The following PPP2CB variants were observed in gnomAD, a reference collection of about 807,000 sequenced individuals.
PPP2CB encodes the protein protein phosphatase 2 catalytic subunit beta, also known as serine/threonine-protein phosphatase 2A catalytic subunit beta isoform.
Under a neutral mutation model 39.1 loss-of-function variants are expected in PPP2CB, and 18 were observed. That is an observed-to-expected ratio of 0.46 (90% CI 0.32 to 0.68). The LOEUF (loss-of-function observed/expected upper bound fraction) is 0.68. Among genes scored for constraint, PPP2CB ranks in the 30% least tolerant of loss-of-function variants. The pLI is 0.04. For missense variants in PPP2CB, 226 were observed against 396.9 expected, an observed-to-expected ratio of 0.57 and a Z score of 3.66; for synonymous variants, 129 against 133.8, an observed-to-expected ratio of 0.96 and a Z score of 0.25.
chr8:30,791,279 T>C lies in PPP2CB; in HGVS notation c.775A>G (p.Ile259Val). ...NWCHDRNVVT[I>V]FSAPNYCYRC... ...TAACAGTAATTGGGTGCACTGAAAATGGTAACCACATTCCGATCATGACAC... is the reference window on the plus strand; with the variant it reads ...TAACAGTAATTGGGTGCACTGAAAACGGTAACCACATTCCGATCATGACAC... Residue 259 changes from isoleucine (I) to valine (V), a missense_variant, in exon 6 of 7, where the codon ATT becomes GTT. Ile to Val is a conservative substitution (Grantham distance 29). Transcript: ENST00000221138. 6.2e-7 allele frequency: 1 copy of C among 1,612,640 alleles called. No individual in the cohort carries two copies. Among genetic ancestry groups the C allele is most frequent in the African/African-American group, 1.3e-5 (1 of 74,972 alleles).
chr8:30,786,307 G>A lies in PPP2CB; in HGVS notation c.858C>T (p.Phe286=), dbSNP rs1194911743. The change falls in exon 7 of 7, where the codon TTC becomes TTT. Residue 286 remains phenylalanine (F), a splice_region_variant and synonymous_variant. Transcript: ENST00000221138. ...GACGAGGCGCTGGGTCAAATTGAAGGCTGTAAATGGCAAAAAAGGAAGCAA... is the reference window on the plus strand; with the variant it reads ...GACGAGGCGCTGGGTCAAATTGAAGACTGTAAATGGCAAAAAAGGAAGCAA... ...MELDDTLKYS[F]LQFDPAPRRG... 1 of 1,571,344 alleles carries A rather than the reference G, an allele frequency of 6.4e-7. No individual in the cohort carries two copies. Among genetic ancestry groups the A allele is most frequent in the Admixed American group, 1.9e-5 (1 of 52,800 alleles).
chr8:30,785,652 A>C lies in PPP2CB; in HGVS notation c.*583T>G, dbSNP rs1210103445. 5.3e-6 allele frequency: 1 copy of C among 188,424 alleles called. No individual in the cohort carries two copies. Among genetic ancestry groups the C allele is most frequent in the Non-Finnish European group, 1.1e-5 (1 of 90,582 alleles). The allele number at this position is 188,424 out of a possible 1,614,324, so 11.7% of individuals were successfully genotyped here. A position where few individuals can be genotyped will look rare whatever the true frequency, so the allele number is the denominator to read the frequency against. On this transcript the variant is annotated 3_prime_UTR_variant, in exon 7 of 7. Coordinates refer to ENST00000221138, the MANE Select transcript of PPP2CB (RefSeq NM_001009552.2). ...AATGAAAAGTTTATTTGCTGAGTAC[A>C]CCAAATAGGATGCAAGCACTGTCAT...
chr8:30,802,674 G>T (rs1806647069), intron 1 of PPP2CB, among the ~76,000 whole-genome samples: 1 of 152,016 alleles, frequency 6.6e-6, no homozygotes, highest in South Asian at 2.1e-4. Flanking sequence ...AACAAATTCT[G>T]TATTACTTTT....
chr8:30,801,400 C>T (rs925432636), intron 1 of PPP2CB, among the ~76,000 whole-genome samples: 8 of 151,932 alleles, frequency 5.3e-5, no homozygotes, highest in East Asian at 3.9e-4. Flanking sequence ...GGCATGGTGG[C>T]GGGCGCCTGT....
In PPP2CB at chr8:30,785,825, A is replaced by C; in HGVS notation, c.*410T>G. 1 of 322,916 alleles carries C rather than the reference A, an allele frequency of 3.1e-6. No individual in the cohort carries two copies. Among genetic ancestry groups the C allele is most frequent in the East Asian group, 8.4e-5 (1 of 11,956 alleles). 20.0% of individuals were successfully genotyped at this position (322,916 alleles called of 1,614,324 possible). ...TATACATTTCAATAAAATAAAGGAT[A>C]ATGGATTAGTGGAAGTTAGCTTGTG... On this transcript the variant is annotated 3_prime_UTR_variant, in exon 7 of 7. Transcript: ENST00000221138.
intron 3 of PPP2CB, among the ~76,000 whole-genome samples, chr8:30,797,116 T>C (rs1806540014): frequency 6.6e-6 from 1 of 152,154 alleles, no homozygotes; most frequent in Non-Finnish European, 1.5e-5. Context: ...CCCAAAGTAC[T>C]AGCCACTGTG....
At chr8:30,811,997 C>A (rs891182702) in intron 1 of PPP2CB, among the ~76,000 whole-genome samples, 18 of 152,142 alleles carry the variant, frequency 1.2e-4, no homozygotes, top group African/African-American at 4.1e-4. Context: ...CCCAGTGGAG[C>A]GCAGGCGACC....
chr8:30,791,835 T>C (rs1350941328), intron 5 of PPP2CB, among the ~76,000 whole-genome samples: 2 of 151,566 alleles, frequency 1.3e-5, no homozygotes, highest in Non-Finnish European at 2.9e-5. Flanking sequence ...TGTATGTGTA[T>C]ATACATATGT....
At chr8:30,808,859 C>T (rs768856562) in intron 1 of PPP2CB, among the ~76,000 whole-genome samples, 2 of 151,084 alleles carry the variant, frequency 1.3e-5, no homozygotes, top group Non-Finnish European at 2.9e-5. Flanking sequence ...ATGATTAAAA[C>T]TTTCAGCCTT....
intron 3 of PPP2CB, among the ~76,000 whole-genome samples, chr8:30,796,815 T>TA (rs1806534064): frequency 6.6e-6 from 1 of 152,244 alleles, no homozygotes; most frequent in African/African-American, 2.4e-5. Context: ...CACTACTTGT[T>TA]ACAGCAAATG....
rs1400555270 is a variant in PPP2CB at position 30,799,525 on chromosome 8, AT to A, written c.312+20del. 1 of 1,589,866 alleles carries A rather than the reference AT, an allele frequency of 6.3e-7. No individual in the cohort carries two copies. Among genetic ancestry groups the A allele is most frequent in the Admixed American group, 1.7e-5 (1 of 58,118 alleles). ...GCCTGGTTTAAATCTTGAAAAAAAA[AT>A]TGAATTTCAATAATCATACCTTTAA... is the stretch of plus-strand genomic sequence containing the variant. On this transcript the variant is annotated intron_variant, in intron 2 of 6. Coordinates refer to ENST00000221138, the MANE Select transcript of PPP2CB (RefSeq NM_001009552.2).
intron 3 of PPP2CB, among the ~76,000 whole-genome samples, chr8:30,795,880 T>C (rs1436147940): frequency 2.6e-5 from 4 of 152,228 alleles, no homozygotes; most frequent in African/African-American, 9.6e-5. Flanking sequence ...CCTTATTTCA[T>C]TCCTAGTGTT....
rs772024318 is a variant in PPP2CB at position 30,791,193 on chromosome 8, T to G, written c.857+4A>C. Reference sequence around the variant, plus strand: ...ATATACAATTAAAATTTACAGTTACTCACAAGGAATATTTTAAAGTGTCAT... The same window carrying G: ...ATATACAATTAAAATTTACAGTTACGCACAAGGAATATTTTAAAGTGTCAT... On this transcript the variant is annotated splice_donor_region_variant and intron_variant, in intron 6 of 6. Transcript: ENST00000221138. The G allele has an allele frequency of 9.0e-6, 14 of 1,562,882 alleles. No individual in the cohort carries two copies. The African/African-American group carries it at 1.8e-4, about 20-fold the overall frequency.
chr8:30,807,649 T>C (rs1022513289), intron 1 of PPP2CB, among the ~76,000 whole-genome samples: 12 of 152,246 alleles, frequency 7.9e-5, no homozygotes, highest in African/African-American at 2.9e-4. Context: ...AGTTATAAAA[T>C]TTAACAGGTC....
intron 1 of PPP2CB, among the ~76,000 whole-genome samples, chr8:30,802,400 T>C (rs969093001): frequency 6.6e-6 from 1 of 152,116 alleles, no homozygotes; most frequent in Non-Finnish European, 1.5e-5. Context: ...AGAAACATAA[T>C]GGTTGTCTGG....
In PPP2CB at chr8:30,787,001, G is replaced by A. The variant is rs370092416; in HGVS notation, c.858-694C>T. Among the ~76,000 whole-genome samples, 14 of 152,116 alleles carry A rather than the reference G, an allele frequency of 9.2e-5. No homozygotes were observed. The East Asian group carries it at 2.1e-3, about 23-fold the overall frequency. ...TTTTCTTGAGTGTTTCTGGCTAGTG[G>A]ATTTTTCCAATTATTTTTGTGCCTC... is the stretch of plus-strand genomic sequence containing the variant. On this transcript the variant is annotated intron_variant, in intron 6 of 6. Transcript: ENST00000221138.
At chr8:30,794,320 C>G in intron 3 of PPP2CB, 39 bp from the exon 4 acceptor site, 1 of 1,509,470 alleles carries the variant, frequency 6.6e-7, no homozygotes, top group Non-Finnish European at 9.2e-7. Context: ...ATTTGTTTTA[C>G]TAACTCCAAA....
chr8:30,799,061 G>A (rs1806573562), intron 2 of PPP2CB, among the ~76,000 whole-genome samples: 1 of 152,156 alleles, frequency 6.6e-6, no homozygotes, highest in African/African-American at 2.4e-5. Context: ...GATTCTATAG[G>A]CAACAGGCAA....
chr8:30,812,167 C>T (rs1410439430), intron 1 of PPP2CB, among the ~76,000 whole-genome samples, 153 bp downstream of exon 1: 4 of 151,934 alleles, frequency 2.6e-5, no homozygotes, highest in African/African-American at 4.8e-5. Flanking sequence ...ACCGATGGGC[C>T]GGCCGCCTAG....
Sources: gnomAD v4.1 joint callset for allele counts (sites outside exome capture counted in the v4.1 genomes callset) on GRCh38, gnomAD v4.1.1 for gene constraint, MANE v1.5 for transcripts, NCBI Gene and HGNC (gene_info 2026-07-23, HGNC 2026-07-21) for gene names.